The following CFAP100 variants were observed in gnomAD, a reference collection of about 807,000 sequenced individuals.
CFAP100 encodes the protein cilia- and flagella-associated protein 100.
A neutral mutation model predicts 81.5 loss-of-function variants in CFAP100; 70 were observed. The observed-to-expected ratio is 0.86, with a 90% CI of 0.71 to 1.05. The LOEUF is 1.05. CFAP100 is among the 50% of genes least tolerant of loss of function. The probability of loss-of-function intolerance (pLI) is 0.00; values close to 1 mark genes in which losing one functional copy is unlikely to be tolerated. For synonymous variants in CFAP100, 341 were observed against 314.8 expected (o/e 1.08, Z -0.88); for missense variants, 811 against 776.5 (o/e 1.04, Z -0.53).
At chr3:126,430,505 TA>T (rs1373020599) in intron 13 of CFAP100, among the ~76,000 whole-genome samples, 2 of 152,238 alleles carry the variant, frequency 1.3e-5, no homozygotes, top group African/African-American at 2.4e-5. Flanking sequence ...AAAATAAAAA[TA>T]AAAAATACTT....
chr3:126,400,474 C>G (rs2082955646), intron 2 of CFAP100, among the ~76,000 whole-genome samples: 1 of 151,982 alleles, frequency 6.6e-6, no homozygotes, highest in South Asian at 2.1e-4. Context: ...GCAGTTCCAG[C>G]CTGGCACGGT....
At chr3:126,401,845 C>A (rs1268579340) in intron 2 of CFAP100, among the ~76,000 whole-genome samples, 1 of 152,082 alleles carries the variant, frequency 6.6e-6, no homozygotes, top group Non-Finnish European at 1.5e-5. Context: ...CCCTGTGCTC[C>A]CCAGGCTCAC....
chr3:126,435,042 C>T (rs1443687474), intron 15 of CFAP100, among the ~76,000 whole-genome samples: 1 of 152,162 alleles, frequency 6.6e-6, no homozygotes, highest in Non-Finnish European at 1.5e-5. Context: ...GGCTCTGAGA[C>T]AGCGCAATCT....
chr3:126,415,891 A>C (rs1211070209), intron 4 of CFAP100, among the ~76,000 whole-genome samples: 2 of 152,156 alleles, frequency 1.3e-5, no homozygotes, highest in Non-Finnish European at 2.9e-5. Context: ...GGAGATGGCC[A>C]CCAACGGTGA....
chr3:126,432,089 G>A (rs1011972074), intron 13 of CFAP100, among the ~76,000 whole-genome samples: 1 of 151,906 alleles, frequency 6.6e-6, no homozygotes, highest in Non-Finnish European at 1.5e-5. Context: ...GACCATCCTG[G>A]CTAACACAGT....
At chr3:126,402,415 C>T (rs964658429) in intron 2 of CFAP100, among the ~76,000 whole-genome samples, 8 of 152,098 alleles carry the variant, frequency 5.3e-5, no homozygotes, top group Admixed American at 1.3e-4. Flanking sequence ...GAAAGGGGGA[C>T]GTGGGCAGGA....
Position 126,419,796 on chromosome 3 carries a change from T to G in CFAP100, c.891T>G (p.Val297=), listed in dbSNP as rs948590349. 30 of 1,613,784 alleles carry G rather than the reference T, an allele frequency of 1.9e-5. No individual in the cohort carries two copies. The African/African-American group carries it at 4.0e-4, about 22-fold the overall frequency. The change falls in exon 9 of 17, where the codon GTT becomes GTG. Residue 297 remains valine (V), a synonymous_variant. Transcript: ENST00000352312. ...CCGAGGCTTCCAAAGAGAGCAGTGT[T>G]AACTCCACACCAGGGGACAAAGGTA... is the stretch of plus-strand genomic sequence containing the variant. ...EVSEASKESS[V]NSTPGDKGPG... is the part of the protein sequence containing the mutation.
chr3:126,433,401 G>A lies in CFAP100; in HGVS notation c.1422+197G>A, dbSNP rs1035006052. The A allele has an allele frequency of 2.5e-5, 15 of 597,130 alleles. 1 individual carries two copies. Among genetic ancestry groups the A allele is most frequent in the Middle Eastern group, 4.4e-4 (1 of 2,248 alleles). The allele number at this position is 597,130 out of a possible 1,614,324, so 37.0% of individuals were successfully genotyped here. ...TGCCAGCCAGCTTGGTTGCCCCCAC[G>A]CCTCATCCATTGCTTCATTCTTTTA... On this transcript the variant is annotated intron_variant, in intron 14 of 16. Transcript: ENST00000352312.
At chr3:126,395,178 A>T (rs2082868582) in intron 1 of CFAP100, 200 bp downstream of exon 1, 1 of 152,222 alleles carries the variant, frequency 6.6e-6, no homozygotes, top group Admixed American at 6.5e-5. Flanking sequence ...CTGTCCTACC[A>T]TCCCTGTGCA....
chr3:126,420,194 C>G lies in CFAP100; in HGVS notation c.1047C>G (p.Ser349Arg), dbSNP rs1323024616. The change falls in exon 11 of 17, where the codon AGC (serine) becomes AGG (arginine). Residue 349 changes from serine to arginine, a missense_variant. Physicochemically the swap from Ser to Arg is moderately radical, Grantham distance 110. Transcript: ENST00000352312. Reference sequence around the variant, plus strand: ...ACCTGAGCAGCCCCCAGCAAGGCAGCCAGCCCAGCGAGTCCAGCGGTGGCG... The same window carrying G: ...ACCTGAGCAGCCCCCAGCAAGGCAGGCAGCCCAGCGAGTCCAGCGGTGGCG... ...PSYLSSPQQG[S>R]QPSESSGGDS... The G allele has an allele frequency of 1.9e-6, 3 of 1,612,720 alleles. No individual in the cohort carries two copies. The highest frequency in any genetic ancestry group is 1.7e-6 in the Non-Finnish European group (2 of 1,180,008).
At chr3:126,424,314 G>A (rs1362308239) in intron 13 of CFAP100, among the ~76,000 whole-genome samples, 2 of 152,238 alleles carry the variant, frequency 1.3e-5, no homozygotes, top group Admixed American at 1.3e-4. Flanking sequence ...CAGGACTGGG[G>A]CCTCTGGGGA....
At chr3:126,408,443 C>G (rs1322572735) in intron 3 of CFAP100, among the ~76,000 whole-genome samples, 2 of 152,190 alleles carry the variant, frequency 1.3e-5, no homozygotes, top group Admixed American at 1.3e-4. Flanking sequence ...CTAGCAGCCC[C>G]CTCCCTGGCC....
chr3:126,423,390 T>C lies in CFAP100; in HGVS notation c.1134+14T>C. ...AGCGATGGGGAGGTGAATGGCCCAG[T>C]GCTGGGCTGGAATTCGGAAGTCGCC... On this transcript the variant is annotated intron_variant, in intron 12 of 16. Coordinates refer to ENST00000352312, the MANE Select transcript of CFAP100 (RefSeq NM_182628.3). 1 of 1,612,756 alleles carries C rather than the reference T, an allele frequency of 6.2e-7. No homozygotes were observed. Among genetic ancestry groups the C allele is most frequent in the South Asian group, 1.1e-5 (1 of 90,906 alleles).
Position 126,433,051 on chromosome 3 carries a change from G to T in CFAP100, c.1287-18G>T, listed in dbSNP as rs67596011. 6.2e-7 allele frequency: 1 copy of T among 1,613,620 alleles called. No homozygotes were observed. Among genetic ancestry groups the T allele is most frequent in the Admixed American group, 1.7e-5 (1 of 59,992 alleles). On this transcript the variant is annotated intron_variant, in intron 13 of 16. Transcript: ENST00000352312. ...TGTGCTGAGTGACTGATGCCCTGCCGGTTTTCCCCTCTTCCAGGGACAGGG... is the reference window on the plus strand; with the variant it reads ...TGTGCTGAGTGACTGATGCCCTGCCTGTTTTCCCCTCTTCCAGGGACAGGG...
intron 16 of CFAP100, among the ~76,000 whole-genome samples, chr3:126,435,915 C>T (rs1315632061): frequency 1.3e-5 from 2 of 152,170 alleles, no homozygotes; most frequent in African/African-American, 4.8e-5. Context: ...GTACACTCTG[C>T]TCAGGAGCAG....
At chr3:126,398,107 C>G (rs1396811292) in intron 2 of CFAP100, among the ~76,000 whole-genome samples, 1 of 150,406 alleles carries the variant, frequency 6.6e-6, no homozygotes, top group Non-Finnish European at 1.5e-5. Flanking sequence ...AGCTTTATGA[C>G]TTTTGTGATG....
intron 13 of CFAP100, among the ~76,000 whole-genome samples, chr3:126,432,463 T>C (rs1246049596): frequency 6.6e-6 from 1 of 152,158 alleles, no homozygotes; most frequent in Non-Finnish European, 1.5e-5. Flanking sequence ...AATGGATGAA[T>C]GGATCAACAA....
Position 126,434,608 on chromosome 3 carries a change from C to T in CFAP100, c.1628+227C>T, listed in dbSNP as rs1933373124. On this transcript the variant is annotated intron_variant, in intron 15 of 16. Coordinates refer to ENST00000352312, the MANE Select transcript of CFAP100 (RefSeq NM_182628.3). ...GCAAACGACAGTGACTCGATGTGGC[C>T]AGGAGGCTCAGGGAGGGACAGGGTC... 6 of 540,552 alleles carry T rather than the reference C, an allele frequency of 1.1e-5. No individual in the cohort carries two copies. The East Asian group carries it at 1.9e-4, about 17-fold the overall frequency. The allele number at this position is 540,552 out of a possible 1,614,324, so 33.5% of individuals were successfully genotyped here. A position where few individuals can be genotyped will look rare whatever the true frequency, so the allele number is the denominator to read the frequency against.
At chr3:126,410,514 T>C (rs1159416816) in intron 3 of CFAP100, among the ~76,000 whole-genome samples, 1 of 152,140 alleles carries the variant, frequency 6.6e-6, no homozygotes, top group Non-Finnish European at 1.5e-5. Flanking sequence ...CTTTTTTTTT[T>C]CTTTTGAAAC....
Sources: gnomAD v4.1 joint callset for allele counts (sites outside exome capture counted in the v4.1 genomes callset) on GRCh38, gnomAD v4.1.1 for gene constraint, MANE v1.5 for transcripts, NCBI Gene and HGNC (gene_info 2026-07-23, HGNC 2026-07-21) for gene names.